Variants in SYT1 observed in about 807,000 individuals in gnomAD.
The protein encoded by SYT1 is synaptotagmin-1.
Under a neutral mutation model 44.8 loss-of-function variants are expected in SYT1, and 8 were observed. The ratio of observed to expected loss-of-function variants is 0.18; its 90% CI spans 0.10 to 0.32. The LOEUF (loss-of-function observed/expected upper bound fraction) is 0.32. Among genes scored for constraint, SYT1 ranks in the 10% least tolerant of loss-of-function variants. The pLI is 1.00. For missense variants in SYT1, 286 were observed against 509.3 expected (o/e 0.56, Z 4.22); for synonymous variants, 154 against 188.8 (o/e 0.82, Z 1.51).
intron 2 of SYT1, among the ~76,000 whole-genome samples, chr12:79,010,545 A>C (rs1479031957): frequency 1.3e-5 from 2 of 152,166 alleles, no homozygotes; most frequent in Non-Finnish European, 2.9e-5. Context: ...CACTTATTAA[A>C]TAAAGCCCAC....
At chr12:79,192,531 G>A (rs1221750807) in intron 3 of SYT1, among the ~76,000 whole-genome samples, 1 of 152,124 alleles carries the variant, frequency 6.6e-6, no homozygotes, top group Non-Finnish European at 1.5e-5. Context: ...TCTACTGAGG[G>A]TCTGGAAGTT....
chr12:79,223,194 A>G (rs930402903), intron 4 of SYT1, among the ~76,000 whole-genome samples: 1 of 152,182 alleles, frequency 6.6e-6, no homozygotes, highest in African/African-American at 2.4e-5. Context: ...TCATGTATCA[A>G]TGTCTGTGCA....
chr12:79,179,215 GAT>G (rs1354757266), intron 3 of SYT1, among the ~76,000 whole-genome samples: 2,019 of 47,524 alleles, frequency 0.042, 137 homozygotes, highest in African/African-American at 0.049. Flanking sequence ...TATAGATATA[GAT>G]ATATAGATAT....
chr12:78,909,707 T>G (rs1876206207), intron 1 of SYT1, among the ~76,000 whole-genome samples: 1 of 151,968 alleles, frequency 6.6e-6, no homozygotes, highest in South Asian at 2.1e-4. Flanking sequence ...CAATATAATA[T>G]CTACTTGTTT....
chr12:78,963,119 C>T (rs1013167419), intron 1 of SYT1, among the ~76,000 whole-genome samples: 2 of 151,906 alleles, frequency 1.3e-5, no homozygotes, highest in Admixed American at 6.6e-5. Flanking sequence ...TCATTCATGT[C>T]GCTGTATATT....
intron 3 of SYT1, among the ~76,000 whole-genome samples, chr12:79,140,046 T>G (rs1446907667): frequency 6.6e-6 from 1 of 152,222 alleles, no homozygotes; most frequent in East Asian, 1.9e-4. Context: ...ATAGGTAGTA[T>G]ATGGCCTCCC....
chr12:79,017,887 C>G (rs924714062), intron 2 of SYT1, among the ~76,000 whole-genome samples: 4 of 151,728 alleles, frequency 2.6e-5, no homozygotes, highest in African/African-American at 7.3e-5. Context: ...ATGGTCCAGG[C>G]CAAAGGTGAA....
intron 8 of SYT1, among the ~76,000 whole-genome samples, chr12:79,351,148 C>T (rs1016654810): frequency 6.6e-6 from 1 of 152,154 alleles, no homozygotes; most frequent in Non-Finnish European, 1.5e-5. Context: ...ATATTTTTCT[C>T]TTAAACACTC....
chr12:79,224,930 C>T (rs1192566445), intron 4 of SYT1, among the ~76,000 whole-genome samples: 1 of 151,800 alleles, frequency 6.6e-6, no homozygotes, highest in Non-Finnish European at 1.5e-5. Flanking sequence ...CAGGCATACA[C>T]CACCACGCCT....
chr12:79,195,394 A>G (rs970776518), intron 3 of SYT1, among the ~76,000 whole-genome samples: 4 of 152,242 alleles, frequency 2.6e-5, no homozygotes, highest in Middle Eastern at 3.4e-3. Flanking sequence ...TTTATTTTTT[A>G]AAGAAATGCT....
At chr12:78,991,258 T>C (rs1243140488) in intron 2 of SYT1, among the ~76,000 whole-genome samples, 1 of 152,102 alleles carries the variant, frequency 6.6e-6, no homozygotes, top group Non-Finnish European at 1.5e-5. Context: ...CTTGCCTGAC[T>C]CTAGGCAAAT....
At chr12:78,879,795 A>G (rs1344571589) in intron 1 of SYT1, among the ~76,000 whole-genome samples, 3 of 151,828 alleles carry the variant, frequency 2.0e-5, no homozygotes, top group East Asian at 3.9e-4. Context: ...CACCAGCCTC[A>G]TTTATCATAT....
At chr12:79,153,663 G>A (rs895576707) in intron 3 of SYT1, among the ~76,000 whole-genome samples, 14 of 152,034 alleles carry the variant, frequency 9.2e-5, no homozygotes, top group Non-Finnish European at 1.3e-4. Flanking sequence ...CTTTTACTTC[G>A]TTAAGTGGAC....
intron 1 of SYT1, among the ~76,000 whole-genome samples, chr12:78,941,064 TC>T (rs1185198762): frequency 0.02 from 2,472 of 124,994 alleles, 26 homozygotes; most frequent in Admixed American, 0.028. Context: ...TCTTTTTTTT[TC>T]TTTTTTTTTT....
chr12:78,981,728 C>G (rs867882020), intron 2 of SYT1, among the ~76,000 whole-genome samples: 16 of 152,252 alleles, frequency 1.1e-4, no homozygotes, highest in South Asian at 1.0e-3. Flanking sequence ...TTTGTGTGCA[C>G]AGTTGTTCAT....
chr12:79,047,551 G>A (rs528257505), intron 3 of SYT1, among the ~76,000 whole-genome samples, 189 bp downstream of exon 3: 92 of 151,674 alleles, frequency 6.1e-4, no homozygotes, highest in Non-Finnish European at 1.1e-3. Flanking sequence ...TACATAAGAG[G>A]GCAAAGTACT....
At chr12:79,323,951 T>A (rs1209527414) in intron 8 of SYT1, among the ~76,000 whole-genome samples, 2 of 142,790 alleles carry the variant, frequency 1.4e-5, no homozygotes, top group Non-Finnish European at 3.1e-5. Context: ...CTATTTTCTT[T>A]TTTTTTTTTT....
At chr12:79,028,932 TA>T (rs1163823614) in intron 2 of SYT1, among the ~76,000 whole-genome samples, 1 of 151,324 alleles carries the variant, frequency 6.6e-6, no homozygotes, top group Non-Finnish European at 1.5e-5. Flanking sequence ...GGTGGAATAA[TA>T]ACAGTAATAA....
At chr12:79,157,694 C>G (rs1870687768) in intron 3 of SYT1, among the ~76,000 whole-genome samples, 1 of 152,096 alleles carries the variant, frequency 6.6e-6, no homozygotes, top group Non-Finnish European at 1.5e-5. Context: ...CAGTGAAAGA[C>G]TGGCTTTATA....
Sources: allele counts gnomAD v4.1 joint callset (sites outside exome capture counted in the v4.1 genomes callset), GRCh38; gene constraint gnomAD v4.1.1; transcripts MANE v1.5; gene names NCBI Gene and HGNC (gene_info 2026-07-23, HGNC 2026-07-21).